The following DCLK1 variants were observed in gnomAD, a reference collection of about 807,000 sequenced individuals.
The protein encoded by DCLK1 is doublecortin like kinase 1, also known as serine/threonine-protein kinase DCLK1.
A neutral mutation model predicts 86.2 loss-of-function variants in DCLK1; 16 were observed. The observed-to-expected ratio is 0.19, with a 90% CI of 0.13 to 0.28. DCLK1 has a LOEUF of 0.28. Ranked by LOEUF, DCLK1 falls within the 10% of genes least tolerant of loss-of-function variation. The pLI is 1.00. For missense variants in DCLK1, 590 were observed against 940.2 expected (o/e 0.63, Z 4.87); for synonymous variants, 369 against 370.5 (o/e 1.00, Z 0.05).
chr13:35,870,044 G>A (rs1475279325), intron 5 of DCLK1, among the ~76,000 whole-genome samples: 2 of 152,102 alleles, frequency 1.3e-5, no homozygotes, highest in African/African-American at 4.8e-5. Context: ...CTATCTACAT[G>A]AGCAGTGTCA....
rs576196358 is a variant in DCLK1 at position 35,778,996 on chromosome 13, C to T, written c.2059-4297G>A. Among the ~76,000 whole-genome samples, 116 of 152,186 alleles carry T rather than the reference C, an allele frequency of 7.6e-4. No homozygotes were observed. In the Middle Eastern group the frequency reaches 0.01, roughly 13 times the overall value. On this transcript the variant is annotated intron_variant, in intron 16 of 16. Transcript: ENST00000360631. ...CATGAAATTACCTCTCTTTCTCTCT[C>T]TGCCCACTCAAATTTATTTATTTAT...
In DCLK1 at chr13:35,774,373, G is replaced by T; in HGVS notation, c.*162C>A. The T allele has an allele frequency of 1.1e-6, 1 of 889,666 alleles. No homozygotes were observed. Among genetic ancestry groups the T allele is most frequent in the Non-Finnish European group, 1.7e-6 (1 of 601,472 alleles). The allele number at this position is 889,666 out of a possible 1,614,324, so 55.1% of individuals were successfully genotyped here. ...CAATCACCACGTGTCATCTTATTCA[G>T]TAAAGGGAAACCGCTACAAAGATAC... On this transcript the variant is annotated 3_prime_UTR_variant, in exon 17 of 17. Transcript: ENST00000360631.
At chr13:36,065,812 T>C (rs543494782) in intron 3 of DCLK1, among the ~76,000 whole-genome samples, 2 of 152,260 alleles carry the variant, frequency 1.3e-5, no homozygotes, top group African/African-American at 4.8e-5. Flanking sequence ...CATGATATTG[T>C]AAAATGGAAA....
intron 3 of DCLK1, among the ~76,000 whole-genome samples, chr13:35,987,229 C>T (rs568559396): frequency 1.7e-4 from 26 of 152,068 alleles, no homozygotes; most frequent in Non-Finnish European, 3.7e-4. Context: ...GAAGGCCAGC[C>T]TGACCAACAT....
At chr13:35,934,395 A>G (rs780357933) in intron 4 of DCLK1, among the ~76,000 whole-genome samples, 6 of 152,198 alleles carry the variant, frequency 3.9e-5, no homozygotes, top group Non-Finnish European at 8.8e-5. Flanking sequence ...GCAATTTACA[A>G]AAGAAAGAGG....
chr13:36,025,081 C>T (rs562226251), intron 3 of DCLK1, among the ~76,000 whole-genome samples: 1 of 151,882 alleles, frequency 6.6e-6, no homozygotes, highest in Non-Finnish European at 1.5e-5. Flanking sequence ...GATTCTCCTG[C>T]CTCAGCCTCC....
intron 3 of DCLK1, among the ~76,000 whole-genome samples, chr13:36,098,015 T>C (rs1373906014): frequency 1.3e-5 from 2 of 152,188 alleles, no homozygotes. Context: ...GAAAGGGAGA[T>C]AACAATAGTA....
chr13:35,872,378 T>C (rs1177112176), intron 4 of DCLK1, among the ~76,000 whole-genome samples: 1 of 152,238 alleles, frequency 6.6e-6, no homozygotes, highest in African/African-American at 2.4e-5. Context: ...CTTTTCACAA[T>C]ACAGTATCTT....
chr13:36,104,895 A>G (rs1204356798), intron 3 of DCLK1, among the ~76,000 whole-genome samples: 2 of 152,222 alleles, frequency 1.3e-5, no homozygotes, highest in Non-Finnish European at 2.9e-5. Flanking sequence ...CATTCATGGT[A>G]TTATACAACT....
chr13:35,901,579 A>G lies in DCLK1; in HGVS notation c.824-30239T>C, dbSNP rs142850408. On this transcript the variant is annotated intron_variant, in intron 4 of 16. Coordinates refer to ENST00000360631, the MANE Select transcript of DCLK1 (RefSeq NM_001330071.2). The stretch of plus-strand genomic sequence containing the variant: ...CGGGGAGGAAATAGGGTAGAACTTT[A>G]GAAGACAGAGCCAGAGGTTTGGTAG... Among the ~76,000 whole-genome samples the G allele has an allele frequency of 3.2e-3, 478 of 148,460 alleles. 1 individual carries two copies. Among genetic ancestry groups the G allele is most frequent in the Non-Finnish European group, 5.4e-3 (364 of 67,276 alleles).
At chr13:36,076,022 C>T (rs1884198425) in intron 3 of DCLK1, among the ~76,000 whole-genome samples, 1 of 152,032 alleles carries the variant, frequency 6.6e-6, no homozygotes, top group African/African-American at 2.4e-5. Flanking sequence ...CAGGCTCCGT[C>T]TCAAAAAAAA....
intron 3 of DCLK1, among the ~76,000 whole-genome samples, chr13:36,076,742 G>A (rs1884228856): frequency 6.6e-6 from 1 of 152,130 alleles, no homozygotes. Flanking sequence ...TAGTACTGAT[G>A]TGGGTAATAT....
At chr13:35,820,379 A>G (rs948121107) in intron 11 of DCLK1, among the ~76,000 whole-genome samples, 1 of 152,198 alleles carries the variant, frequency 6.6e-6, no homozygotes, top group Admixed American at 6.5e-5. Flanking sequence ...ATTAGAAGAG[A>G]AGGGAAAAAG....
intron 4 of DCLK1, among the ~76,000 whole-genome samples, chr13:35,875,551 G>T (rs987602794): frequency 2.0e-5 from 3 of 152,152 alleles, no homozygotes; most frequent in Non-Finnish European, 4.4e-5. Flanking sequence ...ATTTCTGTGA[G>T]GCAGCTCTTC....
chr13:35,857,874 A>T (rs1308426570), intron 5 of DCLK1, among the ~76,000 whole-genome samples: 1 of 152,202 alleles, frequency 6.6e-6, no homozygotes, highest in African/African-American at 2.4e-5. Flanking sequence ...GAAGAGACTT[A>T]AATAACTAAG....
At chr13:35,879,812 A>G (rs910385403) in intron 4 of DCLK1, among the ~76,000 whole-genome samples, 1 of 152,126 alleles carries the variant, frequency 6.6e-6, no homozygotes, top group Admixed American at 6.6e-5. Context: ...CCCACATGTC[A>G]TTTGCACTTT....
intron 3 of DCLK1, among the ~76,000 whole-genome samples, chr13:35,996,287 G>A (rs906186732): frequency 6.6e-6 from 1 of 152,238 alleles, no homozygotes; most frequent in East Asian, 1.9e-4. Context: ...ATAGATTAAG[G>A]CCTCCCGTCT....
chr13:35,843,183 A>G (rs1869937217), intron 6 of DCLK1, among the ~76,000 whole-genome samples: 1 of 152,166 alleles, frequency 6.6e-6, no homozygotes, highest in Non-Finnish European at 1.5e-5. Context: ...ACAAGATTTT[A>G]TGTTTGCTTC....
At chr13:36,045,925 G>A (rs1882899228) in intron 3 of DCLK1, among the ~76,000 whole-genome samples, 1 of 151,970 alleles carries the variant, frequency 6.6e-6, no homozygotes, top group Non-Finnish European at 1.5e-5. Flanking sequence ...GTATGTTGAA[G>A]TAAATCAACA....
Sources: allele counts gnomAD v4.1 joint callset (sites outside exome capture counted in the v4.1 genomes callset), GRCh38; gene constraint gnomAD v4.1.1; transcripts MANE v1.5; gene names NCBI Gene and HGNC (gene_info 2026-07-23, HGNC 2026-07-21).